The following XKR6 variants were observed in gnomAD, a reference collection of about 807,000 sequenced individuals.
XKR6 encodes the protein XK-related protein 6.
In XKR6, 22 loss-of-function variants were observed where a neutral mutation model predicts 56.7. That is an observed-to-expected ratio of 0.39 (90% CI 0.28 to 0.55). The LOEUF (loss-of-function observed/expected upper bound fraction) is 0.55. Among genes scored for constraint, XKR6 ranks in the 20% least tolerant of loss-of-function variants. The pLI, the probability that XKR6 is intolerant of heterozygous loss-of-function variation, is 0.66. For missense variants in XKR6, 852 were observed against 889.0 expected (o/e 0.96, Z 0.53); for synonymous variants, 524 against 387.8 (o/e 1.35, Z -4.13).
intron 1 of XKR6, among the ~76,000 whole-genome samples, chr8:11,082,017 T>A (rs936907479): frequency 1.3e-5 from 2 of 152,206 alleles, no homozygotes; most frequent in African/African-American, 4.8e-5. Flanking sequence ...AGGAAGTGCA[T>A]GCCCAAGGGT....
intron 1 of XKR6, among the ~76,000 whole-genome samples, chr8:11,175,741 C>T (rs1802624342): frequency 6.6e-6 from 1 of 152,062 alleles, no homozygotes; most frequent in Admixed American, 6.5e-5. Context: ...TTTTAAAGCC[C>T]GTACACTATG....
At chr8:11,165,228 T>C (rs1019116760) in intron 1 of XKR6, among the ~76,000 whole-genome samples, 2 of 151,334 alleles carry the variant, frequency 1.3e-5, no homozygotes, top group East Asian at 1.9e-4. Context: ...GCCTCCCATG[T>C]AGCTGGAATT....
chr8:11,018,448 G>C (rs1798675784), intron 1 of XKR6, among the ~76,000 whole-genome samples: 1 of 152,200 alleles, frequency 6.6e-6, no homozygotes. Flanking sequence ...CCAGATGACA[G>C]ATACCTCCAC....
At chr8:11,070,192 G>C (rs1369511608) in intron 1 of XKR6, among the ~76,000 whole-genome samples, 2 of 152,192 alleles carry the variant, frequency 1.3e-5, no homozygotes, top group Non-Finnish European at 2.9e-5. Context: ...GGTCCCCGTA[G>C]TCTCCAGGAC....
chr8:10,955,651 A>G (rs1180101875), intron 1 of XKR6, among the ~76,000 whole-genome samples: 1 of 152,218 alleles, frequency 6.6e-6, no homozygotes, highest in Admixed American at 6.5e-5. Flanking sequence ...TAGACAGCAG[A>G]GCTGGGAGGT....
chr8:11,169,754 T>A (rs928584717), intron 1 of XKR6, among the ~76,000 whole-genome samples: 1 of 152,232 alleles, frequency 6.6e-6, no homozygotes, highest in African/African-American at 2.4e-5. Context: ...GCCAGTGAAC[T>A]GTACACTTTA....
At chr8:11,051,586 C>T (rs561736753) in intron 1 of XKR6, among the ~76,000 whole-genome samples, 90 of 152,278 alleles carry the variant, frequency 5.9e-4, no homozygotes, top group Admixed American at 5.2e-4. Context: ...CTTTTCCTCA[C>T]GCCCCATGCC....
chr8:11,062,021 A>C (rs1297389715), intron 1 of XKR6, among the ~76,000 whole-genome samples: 1 of 152,228 alleles, frequency 6.6e-6, no homozygotes, highest in Non-Finnish European at 1.5e-5. Context: ...TGGCTCATAC[A>C]TCCAGGGGAA....
chr8:11,178,556 A>ATATATATG (rs1563197811), intron 1 of XKR6, among the ~76,000 whole-genome samples: 7 of 130,778 alleles, frequency 5.4e-5, no homozygotes, highest in African/African-American at 2.0e-4. Flanking sequence ...AAATATATAT[A>ATATATATG]TATATATATA....
intron 1 of XKR6, among the ~76,000 whole-genome samples, chr8:11,089,026 G>C (rs1165923558): frequency 6.6e-6 from 1 of 152,204 alleles, no homozygotes; most frequent in African/African-American, 2.4e-5. Flanking sequence ...CATATAGTCA[G>C]AGTAAGGGAC....
rs1804244960 is a variant in XKR6, at chr8:11,201,487, G to A, written c.-148C>T. 1 of 568,036 alleles carries A rather than the reference G, an allele frequency of 1.8e-6. No individual in the cohort carries two copies. Among genetic ancestry groups the A allele is most frequent in the South Asian group, 2.1e-5 (1 of 47,636 alleles). The allele number at this position is 568,036 out of a possible 1,614,324, so 35.2% of individuals were successfully genotyped here. On this transcript the variant is annotated 5_prime_UTR_variant, in exon 1 of 3. Transcript: ENST00000416569. Reference sequence around the variant, plus strand: ...GAGCAAACGAACGAGGGGGGAGTGGGCCAGGGAACCCCCTCCGCTTCCGGG... The same window carrying A: ...GAGCAAACGAACGAGGGGGGAGTGGACCAGGGAACCCCCTCCGCTTCCGGG...
intron 1 of XKR6, among the ~76,000 whole-genome samples, chr8:11,034,274 G>A (rs545418764): frequency 1.8e-4 from 27 of 152,282 alleles, no homozygotes; most frequent in African/African-American, 4.1e-4. Context: ...CCAGGAAGAC[G>A]GCATGGAGGA....
chr8:11,054,452 G>A (rs1799630819), intron 1 of XKR6, among the ~76,000 whole-genome samples: 1 of 152,256 alleles, frequency 6.6e-6, no homozygotes, highest in South Asian at 2.1e-4. Flanking sequence ...ATGTCCTGGG[G>A]AGGGGTGCCA....
chr8:11,103,946 C>G (rs1171498648), intron 1 of XKR6, among the ~76,000 whole-genome samples: 1 of 152,188 alleles, frequency 6.6e-6, no homozygotes, highest in South Asian at 2.1e-4. Context: ...CCATTGCTGA[C>G]AGCTGTCGTA....
At chr8:11,039,005 C>T (rs1427222524) in intron 1 of XKR6, among the ~76,000 whole-genome samples, 6 of 152,264 alleles carry the variant, frequency 3.9e-5, no homozygotes, top group African/African-American at 7.2e-5. Context: ...AGCTGCAGGG[C>T]GGGTGGGCAC....
At chr8:11,141,723 G>A (rs1800707795) in intron 1 of XKR6, among the ~76,000 whole-genome samples, 1 of 152,094 alleles carries the variant, frequency 6.6e-6, no homozygotes, top group Non-Finnish European at 1.5e-5. Context: ...CTCCTGATGG[G>A]AGCCTATCTG....
chr8:11,084,219 C>A (rs563066939), intron 1 of XKR6, among the ~76,000 whole-genome samples: 2 of 152,248 alleles, frequency 1.3e-5, no homozygotes, highest in African/African-American at 4.8e-5. Flanking sequence ...TAGGTTATGA[C>A]TTCAACCACT....
intron 1 of XKR6, among the ~76,000 whole-genome samples, chr8:11,081,531 C>T (rs1188378905): frequency 6.6e-6 from 1 of 152,206 alleles, no homozygotes; most frequent in Non-Finnish European, 1.5e-5. Flanking sequence ...AAATTAAATG[C>T]ATCTGCCTTG....
Position 10,969,601 on chromosome 8 carries a change from G to C in XKR6, c.765-44771C>G, listed in dbSNP as rs895837071. Among the ~76,000 whole-genome samples, 7 of 152,202 alleles carry C rather than the reference G, an allele frequency of 4.6e-5. No individual in the cohort carries two copies. The South Asian group carries it at 1.4e-3, about 32-fold the overall frequency. On this transcript the variant is annotated intron_variant, in intron 1 of 2. Coordinates refer to ENST00000416569, the MANE Select transcript of XKR6 (RefSeq NM_173683.4). ...TAAGCCCAAAGGAAGACCTAAAACA[G>C]AATCACGGGCTGGTGGGACAGTCAT...
Sources: gnomAD v4.1 joint callset for allele counts (sites outside exome capture counted in the v4.1 genomes callset) on GRCh38, gnomAD v4.1.1 for gene constraint, MANE v1.5 for transcripts, NCBI Gene and HGNC (gene_info 2026-07-23, HGNC 2026-07-21) for gene names.